PATL2: variants seen among roughly 807,000 people sequenced by gnomAD.
PATL2 encodes PAT1 homolog 2, also known as protein PAT1 homolog 2.
A neutral mutation model predicts 77.0 loss-of-function variants in PATL2; 73 were observed. The ratio of observed to expected loss-of-function variants is 0.95; its 90% confidence interval spans 0.78 to 1.15. The LOEUF (loss-of-function observed/expected upper bound fraction) is 1.15. Among genes scored for constraint, PATL2 ranks in the 50% most tolerant of loss-of-function variants. PATL2 has a pLI of 0.00. For missense variants in PATL2, 618 were observed against 655.4 expected, an observed-to-expected ratio of 0.94 and a Z score of 0.62; for synonymous variants, 265 against 257.1, an observed-to-expected ratio of 1.03 and a Z score of -0.29.
At chr15:44,676,044 A>G in intron 4 of PATL2, 2 of 312,370 alleles carry the variant, frequency 6.4e-6, no homozygotes, top group Non-Finnish European at 1.2e-5. Context: ...AGCAAACAAA[A>G]GGAACCCGGC....
At chr15:44,704,671 T>G (rs1023896838) in intron 3 of PATL2, among the ~76,000 whole-genome samples, 2 of 151,978 alleles carry the variant, frequency 1.3e-5, no homozygotes, top group African/African-American at 2.4e-5. Context: ...CAATATTCTG[T>G]TTTTTTTCTG....
At position 44,669,085 on chromosome 15, in the gene PATL2, C is replaced by G. The variant is rs1566848702; in HGVS notation, c.1119G>C (p.Leu373=). 3 of 1,550,592 alleles carry G rather than the reference C, an allele frequency of 1.9e-6. No individual in the cohort carries two copies. The South Asian group carries it at 3.6e-5, about 18-fold the overall frequency. ...QVLSVRKGKA[L]VARLLPFLPQ... is the part of the protein sequence containing the mutation. ...GCAGGAAGGGGAGCAGCCGGGCCAC[C>G]AGGGCCTTCCCCTTCCTCACAGAGA... Residue 373 remains leucine (L), a synonymous_variant, in exon 14 of 18, where the codon CTG becomes CTC. Transcript: ENST00000682850.
At chr15:44,667,812 G>A (rs920357007) in intron 15 of PATL2, among the ~76,000 whole-genome samples, 1 of 152,174 alleles carries the variant, frequency 6.6e-6, no homozygotes, top group African/African-American at 2.4e-5. Context: ...GTGTGTTGGC[G>A]AACACTTGTA....
In PATL2 at chr15:44,669,400, A is replaced by C. The variant is rs1362128305; in HGVS notation, c.944T>G (p.Leu315Ter). 6.5e-7 allele frequency: 1 copy of C among 1,550,302 alleles called. No homozygotes were observed. Among genetic ancestry groups the C allele is most frequent in the East Asian group, 2.4e-5 (1 of 40,864 alleles). The change falls in exon 13 of 18, where the codon TTA becomes TGA. Residue 315 changes from leucine to a stop codon, truncating the protein, a stop_gained. Coordinates refer to ENST00000682850, the MANE Select transcript of PATL2 (RefSeq NM_001387263.1). LOFTEE classifies it high-confidence loss of function. ...CTTCCAGCCTTCCTCTATTTCTAGT[A>C]ACTGAAGGAACATCTGGGAATTTGA... ...LYRIEKMFLQ[L>*]LEIEEGWKYR... is the part of the protein sequence containing the mutation.
intron 14 of PATL2, 62 bp downstream of exon 14, chr15:44,668,918 G>A: frequency 6.9e-7 from 1 of 1,444,638 alleles, no homozygotes; most frequent in Admixed American, 2.6e-5. Flanking sequence ...GGGACTGGAG[G>A]GGAGGAATGA....
intron 3 of PATL2, among the ~76,000 whole-genome samples, chr15:44,705,263 G>C (rs2086709890): frequency 6.6e-6 from 1 of 151,726 alleles, no homozygotes; most frequent in Non-Finnish European, 1.5e-5. Context: ...GTTCACTACA[G>C]CCTCCACTTC....
At chr15:44,692,827 G>A (rs953988349) in intron 3 of PATL2, among the ~76,000 whole-genome samples, 6 of 152,262 alleles carry the variant, frequency 3.9e-5, no homozygotes, top group Admixed American at 6.5e-5. Context: ...CATTTGGAGC[G>A]TGACATCTGA....
intron 3 of PATL2, among the ~76,000 whole-genome samples, chr15:44,693,585 C>A (rs1688183941): frequency 6.6e-6 from 1 of 152,182 alleles, no homozygotes; most frequent in African/African-American, 2.4e-5. Flanking sequence ...TTAATTACAT[C>A]TGCAAAATCC....
intron 10 of PATL2, 38 bp downstream of exon 10, chr15:44,669,929 A>T (rs1308154995): frequency 8.4e-6 from 13 of 1,550,138 alleles, no homozygotes; most frequent in Non-Finnish European, 8.7e-7. Flanking sequence ...GTCCACCCAG[A>T]TGCCCAGCCC....
At chr15:44,688,065 G>T (rs906388229) in intron 3 of PATL2, among the ~76,000 whole-genome samples, 2 of 151,958 alleles carry the variant, frequency 1.3e-5, no homozygotes, top group African/African-American at 4.8e-5. Flanking sequence ...GGCTAACACA[G>T]TGAAAACCAT....
intron 3 of PATL2, among the ~76,000 whole-genome samples, chr15:44,677,450 C>G (rs2086009288): frequency 6.6e-6 from 1 of 152,192 alleles, no homozygotes; most frequent in African/African-American, 2.4e-5. Flanking sequence ...GATACACAGT[C>G]TTACATCTTC....
At chr15:44,680,248 T>G (rs573896453) in intron 3 of PATL2, among the ~76,000 whole-genome samples, 274 of 152,220 alleles carry the variant, frequency 1.8e-3, no homozygotes, top group Non-Finnish European at 3.0e-3. Context: ...TGACTGACAC[T>G]GCTCCATCAC....
intron 3 of PATL2, among the ~76,000 whole-genome samples, chr15:44,678,711 T>G (rs1288289630): frequency 6.6e-6 from 1 of 152,078 alleles, no homozygotes; most frequent in Admixed American, 6.6e-5. Context: ...TTTGGGAAGC[T>G]GAGGCAGGAG....
intron 3 of PATL2, among the ~76,000 whole-genome samples, chr15:44,680,743 C>G (rs2086116254): frequency 6.6e-6 from 1 of 152,218 alleles, no homozygotes; most frequent in South Asian, 2.1e-4. Flanking sequence ...CATTTCCTCA[C>G]ATCATTCCTT....
At chr15:44,666,361 G>A in intron 17 of PATL2, 31 bp downstream of exon 17, 1 of 1,551,108 alleles carries the variant, frequency 6.4e-7, no homozygotes, top group Non-Finnish European at 8.7e-7. Flanking sequence ...CTTGAACAAG[G>A]GGCTTTGACC....
intron 3 of PATL2, among the ~76,000 whole-genome samples, chr15:44,683,735 C>G (rs2086188069): frequency 6.6e-6 from 1 of 152,200 alleles, no homozygotes; most frequent in Non-Finnish European, 1.5e-5. Context: ...GCATAGTGCT[C>G]AAGCTCTGCT....
At chr15:44,674,256 G>A (rs1454333049) in intron 5 of PATL2, 26 bp from the exon 6 acceptor site, 2 of 1,476,878 alleles carry the variant, frequency 1.4e-6, no homozygotes, top group South Asian at 2.4e-5. Flanking sequence ...GGAAAAACCA[G>A]GCTCAAATGG....
chr15:44,675,420 T>G (rs1207730264), intron 5 of PATL2, 66 bp downstream of exon 5: 1 of 1,465,338 alleles, frequency 6.8e-7, no homozygotes, highest in African/African-American at 1.4e-5. Context: ...GAGGAATGTT[T>G]AGTGACAGCC....
intron 3 of PATL2, among the ~76,000 whole-genome samples, chr15:44,687,905 C>T (rs1199758963): frequency 1.2e-4 from 19 of 152,088 alleles, no homozygotes; most frequent in Admixed American, 1.2e-3. Flanking sequence ...TAAGAGAGGA[C>T]ACAAAGAAGT....
Sources: allele counts gnomAD v4.1 joint callset (sites outside exome capture counted in the v4.1 genomes callset), GRCh38; gene constraint gnomAD v4.1.1; transcripts MANE v1.5; gene names NCBI Gene and HGNC (gene_info 2026-07-23, HGNC 2026-07-21).